FBRS: variants seen among roughly 807,000 people sequenced by gnomAD.
The protein encoded by FBRS is fibrosin.
In FBRS, 15 loss-of-function variants were observed where a neutral mutation model predicts 86.1. That is an observed-to-expected ratio of 0.17 (90% CI 0.12 to 0.27). The LOEUF is 0.27. Among genes scored for constraint, FBRS ranks in the 10% least tolerant of loss-of-function variants. FBRS has a pLI of 1.00. For synonymous variants in FBRS, 666 were observed against 575.8 expected, an observed-to-expected ratio of 1.16 and a Z score of -2.24; for missense variants, 1,367 against 1,301.6, an observed-to-expected ratio of 1.05 and a Z score of -0.77.
rs1463986207 is a variant in FBRS at position 30,667,323 on chromosome 16, G to C, written c.1879G>C (p.Asp627His). The C allele has an allele frequency of 8.4e-6, 13 of 1,551,328 alleles. No individual in the cohort carries two copies. The highest frequency in any genetic ancestry group is 1.1e-5 in the Non-Finnish European group (13 of 1,146,654). The stretch of plus-strand genomic sequence containing the variant: ...CCTCTCCCTGTGTCCCACACAGGGT[G>C]ACTCCCACAAGCTTGACTTTCGGAA... ...ILRHQEKMKG[D>H]SHKLDFRNDL... The change falls in exon 14 of 18, where the codon GAC (aspartate) becomes CAC (histidine). Residue 627 changes from aspartate to histidine, a missense_variant. Asp to His is a moderately conservative substitution (Grantham distance 81). Around this residue, in one of 3 missense-constraint regions of FBRS, gnomAD observed 659 missense variants for 678.8 expected, o/e 0.97. Transcript: ENST00000356166.
rs913250946 is a variant in FBRS, at chr16:30,667,125, A to G, written c.1875+135A>G. On this transcript the variant is annotated intron_variant, in intron 13 of 17. Transcript: ENST00000356166. Reference sequence around the variant, plus strand: ...CTCCTGTCCCCCATCACTGCTGAACAGTTCTATGGCTGGCACCTTAGTTCT... The same window carrying G: ...CTCCTGTCCCCCATCACTGCTGAACGGTTCTATGGCTGGCACCTTAGTTCT... 2.9e-6 allele frequency: 3 copies of G among 1,032,798 alleles called. No individual in the cohort carries two copies. The African/African-American group carries it at 4.8e-5, about 16-fold the overall frequency. 64.0% of individuals were successfully genotyped at this position (1,032,798 alleles called of 1,614,324 possible). A position where few individuals can be genotyped will look rare whatever the true frequency, so the allele number is the denominator to read the frequency against.
In FBRS at chr16:30,665,008, A is replaced by G. The variant is rs2052505311; in HGVS notation, c.1564-27A>G. On this transcript the variant is annotated intron_variant, in intron 8 of 17. Transcript: ENST00000356166. This position sits in a 1 kb window ranked among gnomAD's most constrained non-coding sequence, Gnocchi z 4.1. ...GGGAAGGCCCGGGTCCCTGGCTGGC[A>G]GCTTACTCTTCCCTTCTCTTCCCTA... 6.2e-7 allele frequency: 1 copy of G among 1,612,288 alleles called. No homozygotes were observed. Among genetic ancestry groups the G allele is most frequent in the Admixed American group, 1.7e-5 (1 of 59,784 alleles).
In FBRS at chr16:30,659,951, A is replaced by G. The variant is rs1208757122; in HGVS notation, c.433A>G (p.Ser145Gly). Residue 145 changes from serine to glycine, a missense_variant, in exon 1 of 18, where the codon AGC becomes GGC. Transcript: ENST00000356166. ...EDLIDGFAIA[S>G]FATLEALQKD... ...CTTGATCGATGGCTTCGCCATCGCCAGCTTCGCCACCCTCGAGGCCTTGCA... is the reference window on the plus strand; with the variant it reads ...CTTGATCGATGGCTTCGCCATCGCCGGCTTCGCCACCCTCGAGGCCTTGCA... 1 of 1,550,612 alleles carries G rather than the reference A, an allele frequency of 6.4e-7. No individual in the cohort carries two copies. Among genetic ancestry groups the G allele is most frequent in the Non-Finnish European group, 8.7e-7 (1 of 1,147,234 alleles).
Position 30,663,897 on chromosome 16 carries a change from C to T in FBRS, c.1056-318C>T, listed in dbSNP as rs569073583. On this transcript the variant is annotated intron_variant, in intron 6 of 17. Transcript: ENST00000356166. ...TGTTGTAGGGTGGGACCCCAGGTGG[C>T]TTGTTCTAATTAAGCGTCAACATGA... 2.0e-5 allele frequency among the ~76,000 whole-genome samples: 3 copies of T among 152,274 alleles called. No homozygotes were observed. The East Asian group carries it at 5.8e-4, about 29-fold the overall frequency.
chr16:30,669,285 GC>G lies in FBRS; in HGVS notation c.2587del (p.Arg863GlyfsTer42). The G allele has an allele frequency of 6.3e-7, 1 of 1,575,190 alleles. No homozygotes were observed. Among genetic ancestry groups the G allele is most frequent in the Non-Finnish European group, 8.6e-7 (1 of 1,161,338 alleles). On this transcript the variant is annotated frameshift_variant, in exon 18 of 18. Coordinates refer to ENST00000356166, the MANE Select transcript of FBRS (RefSeq NM_001105079.3). LOFTEE classifies it high-confidence loss of function. This position sits in a 1 kb window ranked among gnomAD's most constrained non-coding sequence, Gnocchi z 5.9. ...PQGLHLLFER[P>X]RPPPFLGPSP... is the part of the protein sequence containing the mutation. ...AGGGCCTTCACCTGCTGTTTGAGAGGCCCCGGCCGCCCCCGTTTCTGGGCCC... is the reference window on the plus strand; with the variant it reads ...AGGGCCTTCACCTGCTGTTTGAGAGGCCCGGCCGCCCCCGTTTCTGGGCCC...
In FBRS at chr16:30,669,216, T is replaced by TGCTGCCGCCGCC. The variant is rs747866695; in HGVS notation, c.2529_2540dup (p.Ala846_Ala849dup). On this transcript the variant is annotated inframe_insertion, in exon 18 of 18. Transcript: ENST00000356166. The surrounding 1 kb of genome is among the most constrained non-coding windows in gnomAD (Gnocchi z 5.9). ...AGGCTGCCGCCGCCGCTGCCGCTGC[T>TGCTGCCGCCGCC]GCTGCCGCCGCCGCTGCCGCCGCCG... 3.0e-4 allele frequency: 469 copies of TGCTGCCGCCGCC among 1,544,054 alleles called. 2 individuals are homozygous for TGCTGCCGCCGCC. The highest frequency in any genetic ancestry group is 3.4e-4 in the Non-Finnish European group (394 of 1,143,420).
rs754374140 is a variant in FBRS at position 30,669,658 on chromosome 16, G to T, written c.*13G>T. On this transcript the variant is annotated 3_prime_UTR_variant, in exon 18 of 18. Transcript: ENST00000356166. This position sits in a 1 kb window ranked among gnomAD's most constrained non-coding sequence, Gnocchi z 5.9. ...GGCTGACAGGTGAGGGGAACGGGGG[G>T]GGGTCGGGGCAAAGCTCCATCTCCC... The T allele has an allele frequency of 1.4e-5, 22 of 1,580,006 alleles. No homozygotes were observed. The highest frequency in any genetic ancestry group is 9.0e-5 in the South Asian group (8 of 89,168).
rs1412429952 is a variant in FBRS at position 30,669,061 on chromosome 16, C to T, written c.2367-8C>T. On this transcript the variant is annotated splice_polypyrimidine_tract_variant and splice_region_variant and intron_variant, in intron 17 of 17. Coordinates refer to ENST00000356166, the MANE Select transcript of FBRS (RefSeq NM_001105079.3). The surrounding 1 kb of genome is among the most constrained non-coding windows in gnomAD (Gnocchi z 5.9). ...GAACTTCATTCTCTCCCCACGCCTG[C>T]CCTCCAGGGACCTCCCCTTCTCACG... 4 of 1,598,330 alleles carry T rather than the reference C, an allele frequency of 2.5e-6. No individual in the cohort carries two copies. The highest frequency in any genetic ancestry group is 1.7e-6 in the Non-Finnish European group (2 of 1,173,786).
At chr16:30,662,185 G>T in intron 4 of FBRS, 1 of 586,058 alleles carries the variant, frequency 1.7e-6, no homozygotes, top group Non-Finnish European at 2.9e-6. Flanking sequence ...CTGCTTCAAC[G>T]CTGCCTCCAT....
chr16:30,660,200 C>T (rs896404951), intron 1 of FBRS, 63 bp from the exon 2 acceptor site: 1 of 1,384,218 alleles, frequency 7.2e-7, no homozygotes, highest in Non-Finnish European at 9.4e-7. Flanking sequence ...AACCTGGTCA[C>T]CCCTAGAGGG....
Position 30,666,995 on chromosome 16 carries a change from TG to T in FBRS, c.1875+9del. ...AGACACCAGGAGAAAATGAAGGTAC[TG>T]GGGCCGGAGGGCTGGGGAGAGTGGG... On this transcript the variant is annotated splice_donor_region_variant and intron_variant, in intron 13 of 17. Transcript: ENST00000356166. 6.2e-7 allele frequency: 1 copy of T among 1,605,148 alleles called. No individual in the cohort carries two copies. The highest frequency in any genetic ancestry group is 8.5e-7 in the Non-Finnish European group (1 of 1,175,918).
intron 4 of FBRS, 141 bp downstream of exon 4, chr16:30,661,474 G>A (rs1555519173): frequency 2.7e-6 from 4 of 1,481,006 alleles, no homozygotes; most frequent in South Asian, 1.3e-5. Context: ...GTTTTTGGGA[G>A]GAACGGGGGT....
At chr16:30,668,707 G>C in intron 16 of FBRS, 64 bp downstream of exon 16, 9 of 1,585,092 alleles carry the variant, frequency 5.7e-6, no homozygotes, top group Non-Finnish European at 7.7e-6. Context: ...GACGGTCTGG[G>C]AGGAGGCCTG....
intron 12 of FBRS, 86 bp downstream of exon 12, chr16:30,666,627 G>A: frequency 6.3e-7 from 1 of 1,596,522 alleles, no homozygotes; most frequent in East Asian, 2.2e-5. Flanking sequence ...TTACAAATAA[G>A]TGAGAAGCCC....
At chr16:30,666,887 C>T (rs955704723) in intron 12 of FBRS, 32 bp from the exon 13 acceptor site, 1 of 1,602,872 alleles carries the variant, frequency 6.2e-7, no homozygotes, top group Non-Finnish European at 8.5e-7. Context: ...CTTTCCTTCC[C>T]TTTCCCTTTG....
In FBRS at chr16:30,670,034, A is replaced by C; in HGVS notation, c.*389A>C. ...CCGTTCACCTACCACCCAAGTCCTC[A>C]TGCCCTCCGAGGGCTGGGGGAGGAG... On this transcript the variant is annotated 3_prime_UTR_variant, in exon 18 of 18. Transcript: ENST00000356166. 2.0e-6 allele frequency: 1 copy of C among 504,108 alleles called. No homozygotes were observed. Among genetic ancestry groups the C allele is most frequent in the Non-Finnish European group, 3.9e-6 (1 of 259,444 alleles). 31.2% of individuals were successfully genotyped at this position (504,108 alleles called of 1,614,324 possible).
intron 15 of FBRS, 197 bp from the exon 16 acceptor site, chr16:30,668,363 G>A (rs1048411946): frequency 1.4e-5 from 8 of 569,768 alleles, no homozygotes; most frequent in African/African-American, 1.3e-4. Context: ...CCACCTCTTG[G>A]GCTTTTTGTG....
intron 4 of FBRS, 101 bp downstream of exon 4, chr16:30,661,434 G>A (rs1053509937): frequency 6.5e-7 from 1 of 1,543,906 alleles, no homozygotes; most frequent in African/African-American, 1.4e-5. Context: ...CCTTGAGTGA[G>A]AAACATGGCT....
intron 4 of FBRS, 59 bp from the exon 5 acceptor site, chr16:30,662,361 C>T (rs2052471636): frequency 2.6e-6 from 4 of 1,548,524 alleles, no homozygotes; most frequent in Non-Finnish European, 1.7e-6. Context: ...ATTTGGCCTT[C>T]CTGGGTGGAG....
Sources: allele counts gnomAD v4.1 joint callset (sites outside exome capture counted in the v4.1 genomes callset), GRCh38; gene constraint gnomAD v4.1.1; regional missense constraint gnomAD v4.1.1; non-coding constraint Gnocchi (gnomAD v3.1); transcripts MANE v1.5; gene names NCBI Gene and HGNC (gene_info 2026-07-23, HGNC 2026-07-21).